Variants in PSMD12 observed in about 807,000 individuals in gnomAD.
The protein encoded by PSMD12 is 26S proteasome non-ATPase regulatory subunit 12.
In PSMD12, 8 loss-of-function variants were observed where a neutral mutation model predicts 62.9. That is an observed-to-expected ratio of 0.13 (90% confidence interval 0.07 to 0.23). The LOEUF (loss-of-function observed/expected upper bound fraction) is 0.23, where lower values mean the gene tolerates loss of function less well. Ranked by LOEUF, PSMD12 falls within the 10% of genes least tolerant of loss-of-function variation. The pLI is 1.00. For missense variants in PSMD12, 424 were observed against 550.2 expected, an observed-to-expected ratio of 0.77 and a Z score of 2.29; for synonymous variants, 173 against 187.4, an observed-to-expected ratio of 0.92 and a Z score of 0.63.
In PSMD12 at chr17:67,357,670, A is replaced by C. The variant is rs73336058; in HGVS notation, c.109-92T>G. ...AATGGTTTTGACACAGAAAAGGAAA[A>C]ATCAACAGCCTCTTCTAGAGGAAAA... On this transcript the variant is annotated intron_variant, in intron 1 of 10. Transcript: ENST00000356126. 2.8e-3 allele frequency: 3,540 copies of C among 1,270,418 alleles called. 84 individuals are homozygous for C. The African/African-American group carries it at 0.047, about 17-fold the overall frequency. 78.7% of individuals were successfully genotyped at this position (1,270,418 alleles called of 1,614,324 possible). A position where few individuals can be genotyped will look rare whatever the true frequency, so the allele number is the denominator to read the frequency against.
chr17:67,342,359 G>A (rs2041923166), intron 9 of PSMD12, 96 bp from the exon 10 acceptor site: 1 of 800,794 alleles, frequency 1.2e-6, no homozygotes, highest in Non-Finnish European at 2.0e-6. Context: ...TACTTAAAAT[G>A]TTAGACTCAG....
intron 2 of PSMD12, 24 bp from the exon 3 acceptor site, chr17:67,357,455 A>G: frequency 1.2e-6 from 2 of 1,613,066 alleles, no homozygotes; most frequent in Non-Finnish European, 1.7e-6. Context: ...AATATATTGA[A>G]AGTTAATGGA....
intron 3 of PSMD12, among the ~76,000 whole-genome samples, chr17:67,351,887 A>C (rs2042021950): frequency 6.6e-6 from 1 of 151,712 alleles, no homozygotes; most frequent in Non-Finnish European, 1.5e-5. Context: ...TCACGAGGTC[A>C]AGAGATCGAG....
chr17:67,362,351 C>T (rs927828930), intron 1 of PSMD12, among the ~76,000 whole-genome samples: 5 of 152,214 alleles, frequency 3.3e-5, no homozygotes, highest in Non-Finnish European at 7.3e-5. Flanking sequence ...TGCTTACACA[C>T]CAATCACAGA....
chr17:67,354,763 G>A (rs1162588329), intron 3 of PSMD12, among the ~76,000 whole-genome samples: 1 of 151,966 alleles, frequency 6.6e-6, no homozygotes, highest in Admixed American at 6.6e-5. Context: ...GCTGAGGTGG[G>A]TGGATCACTT....
Position 67,344,644 on chromosome 17 carries a change from T to G in PSMD12, c.1045A>C (p.Lys349Gln). The part of the protein sequence containing the change: ...DVFGSTEEGE[K>Q]RWKDLKNRVV... ...CTGTTCTTCAAGTCTTTCCACCTTT[T>G]TTCACCTTCCTCTGTAGAACCAAAA... Residue 349 changes from lysine (K) to glutamine (Q), a missense_variant, in exon 9 of 11, where the codon AAA becomes CAA. Coordinates refer to ENST00000356126, the MANE Select transcript of PSMD12 (RefSeq NM_002816.5). 6.2e-7 allele frequency: 1 copy of G among 1,612,204 alleles called. No individual in the cohort carries two copies.
At chr17:67,344,396 C>G (rs1173012360) in intron 9 of PSMD12, among the ~76,000 whole-genome samples, 1 of 152,122 alleles carries the variant, frequency 6.6e-6, no homozygotes, top group Non-Finnish European at 1.5e-5. Context: ...GAGTAAACAT[C>G]TGAACACCAA....
chr17:67,340,887 T>A lies in PSMD12; in HGVS notation c.1327A>T (p.Thr443Ser). 6.3e-7 allele frequency: 1 copy of A among 1,596,374 alleles called. No individual in the cohort carries two copies. Among genetic ancestry groups the A allele is most frequent in the Non-Finnish European group, 8.5e-7 (1 of 1,174,860 alleles). ...NSLMSLVNKT[T>S]HLIAKEEMIH... ...ATCTCCTCTTTGGCTATGAGATGCG[T>A]AGTTTTGTTAACCAGAGACATTAAT... The change falls in exon 11 of 11, where the codon ACG becomes TCG. Residue 443 changes from threonine to serine, a missense_variant. Physicochemically the swap from Thr to Ser is moderately conservative, Grantham distance 58 (BLOSUM62 1). Transcript: ENST00000356126.
At chr17:67,361,848 C>A in intron 1 of PSMD12, among the ~76,000 whole-genome samples, 1 of 116,872 alleles carries the variant, frequency 8.6e-6, no homozygotes. Context: ...ATCTCTTAAG[C>A]TCAAGAGTTT....
At chr17:67,362,447 G>A (rs2042140015) in intron 1 of PSMD12, among the ~76,000 whole-genome samples, 1 of 152,112 alleles carries the variant, frequency 6.6e-6, no homozygotes, top group African/African-American at 2.4e-5. Flanking sequence ...GGCTGAGGCG[G>A]GTGGATCACA....
rs2041892851 is a variant in PSMD12, at chr17:67,339,694, ACT to A, written c.*1147_*1148del. 6.6e-6 allele frequency: 1 copy of A among 152,020 alleles called. No homozygotes were observed. Among genetic ancestry groups the A allele is most frequent in the Non-Finnish European group, 1.5e-5 (1 of 67,994 alleles). 9.4% of individuals were successfully genotyped at this position (152,020 alleles called of 1,614,324 possible). ...TGAATTTTTTTAAAGTAGACCTCAC[ACT>A]TTCTTTATTTAAGTATCATTTTAAA... On this transcript the variant is annotated 3_prime_UTR_variant, in exon 11 of 11. Coordinates refer to ENST00000356126, the MANE Select transcript of PSMD12 (RefSeq NM_002816.5).
At chr17:67,348,529 C>T (rs2041989127) in intron 5 of PSMD12, 21 bp downstream of exon 5, 2 of 1,588,758 alleles carry the variant, frequency 1.3e-6, no homozygotes, top group Non-Finnish European at 8.6e-7. Context: ...GTTTTACCAA[C>T]TCTAAAATGC....
In PSMD12 at chr17:67,350,268, A is replaced by G; in HGVS notation, c.366T>C (p.Leu122=). The part of the protein sequence containing the change: ...VEEITDLPIK[L]RLIDTLRMVT... ...CCATTCGTAGAGTATCAATTAATCG[A>G]AGTTTGATAGGAAGGTCTGTGATTT... Residue 122 remains leucine, a synonymous_variant, in exon 4 of 11, where the codon CTT becomes CTC. Coordinates refer to ENST00000356126, the MANE Select transcript of PSMD12 (RefSeq NM_002816.5). 6.2e-7 allele frequency: 1 copy of G among 1,613,270 alleles called. No homozygotes were observed. The highest frequency in any genetic ancestry group is 8.5e-7 in the Non-Finnish European group (1 of 1,179,694).
intron 4 of PSMD12, among the ~76,000 whole-genome samples, chr17:67,349,989 G>A (rs1246713719): frequency 3.3e-5 from 5 of 151,920 alleles, no homozygotes; most frequent in Admixed American, 1.3e-4. Context: ...ATTTAAATCC[G>A]TGATAAGATA....
At chr17:67,341,469 CAA>C (rs71368819) in intron 10 of PSMD12, among the ~76,000 whole-genome samples, 3 of 51,140 alleles carry the variant, frequency 5.9e-5, no homozygotes, top group Non-Finnish European at 1.0e-4. Flanking sequence ...GACTCTGCCT[CAA>C]AAAAAAAAAA....
At chr17:67,355,089 GTTTT>G (rs533603458) in intron 3 of PSMD12, among the ~76,000 whole-genome samples, 66 of 121,398 alleles carry the variant, frequency 5.4e-4, no homozygotes, top group Admixed American at 2.4e-3. Flanking sequence ...CATATTTTTG[GTTTT>G]TTTTTTTTTT....
At chr17:67,355,969 T>TACACACACACACAC (rs59875246) in intron 3 of PSMD12, among the ~76,000 whole-genome samples, 2 of 145,744 alleles carry the variant, frequency 1.4e-5, no homozygotes, top group South Asian at 4.5e-4. Flanking sequence ...CCCCCATTTC[T>TACACACACACACAC]ACACACACAC....
chr17:67,348,739 T>A, intron 4 of PSMD12, 85 bp from the exon 5 acceptor site: 1 of 1,153,150 alleles, frequency 8.7e-7, no homozygotes, highest in Non-Finnish European at 1.2e-6. Flanking sequence ...GGCTCACACC[T>A]GTAATCCTGA....
At chr17:67,342,354 A>C in intron 9 of PSMD12, 91 bp from the exon 10 acceptor site, 2 of 846,712 alleles carry the variant, frequency 2.4e-6, no homozygotes, top group Non-Finnish European at 3.8e-6. Flanking sequence ...AAGTTTACTT[A>C]AAATGTTAGA....
Sources: gnomAD v4.1 joint callset for allele counts (sites outside exome capture counted in the v4.1 genomes callset) on GRCh38, gnomAD v4.1.1 for gene constraint, MANE v1.5 for transcripts, NCBI Gene and HGNC (gene_info 2026-07-23, HGNC 2026-07-21) for gene names.